The following TLE1 variants were observed in gnomAD, a reference collection of about 807,000 sequenced individuals.
TLE1 encodes transducin-like enhancer protein 1.
A neutral mutation model predicts 89.8 loss-of-function variants in TLE1; 21 were observed. The observed-to-expected ratio is 0.23, with a 90% CI of 0.17 to 0.34. The LOEUF is 0.34. Ranked by LOEUF, TLE1 falls within the 10% of genes least tolerant of loss-of-function variation. The pLI, the probability that TLE1 is intolerant of heterozygous loss-of-function variation, is 1.00. For missense variants in TLE1, 795 were observed against 1,031.2 expected (o/e 0.77, Z 3.14); for synonymous variants, 447 against 407.6 (o/e 1.10, Z -1.16).
intron 14 of TLE1, among the ~76,000 whole-genome samples, chr9:81,608,951 A>C (rs1823339549): frequency 6.6e-6 from 1 of 152,098 alleles, no homozygotes; most frequent in African/African-American, 2.4e-5. Flanking sequence ...TAATAAAAAA[A>C]AGAAAGAAAG....
At chr9:81,682,383 CA>C (rs1833743988) in intron 4 of TLE1, among the ~76,000 whole-genome samples, 1 of 152,244 alleles carries the variant, frequency 6.6e-6, no homozygotes, top group East Asian at 1.9e-4. Context: ...GTAGGCAGAG[CA>C]AAACACCTAC....
chr9:81,588,547 A>C (rs1039343313), intron 16 of TLE1, among the ~76,000 whole-genome samples: 1 of 152,198 alleles, frequency 6.6e-6, no homozygotes, highest in Non-Finnish European at 1.5e-5. Context: ...CAAGCGGAGC[A>C]CAAGGTTGTT....
chr9:81,624,381 G>A (rs925971155), intron 8 of TLE1, among the ~76,000 whole-genome samples: 1 of 152,074 alleles, frequency 6.6e-6, no homozygotes, highest in East Asian at 1.9e-4. Context: ...AGCAGCCCAG[G>A]TACACACAGG....
chr9:81,669,282 G>A (rs1482108781), intron 4 of TLE1, among the ~76,000 whole-genome samples: 1 of 152,304 alleles, frequency 6.6e-6, no homozygotes, highest in East Asian at 1.9e-4. Flanking sequence ...CTTGACCTCA[G>A]ACCAATTTTC....
At position 81,592,899 on chromosome 9, in the gene TLE1, C is replaced by A. The variant is rs1473457070; in HGVS notation, c.1581+126G>T. ...TGGGGAGCCGAGGGGGTTAAATAACCAACACAGGAAACAGAAGGGGCTTCT... is the reference window on the plus strand; with the variant it reads ...TGGGGAGCCGAGGGGGTTAAATAACAAACACAGGAAACAGAAGGGGCTTCT... On this transcript the variant is annotated intron_variant, in intron 15 of 19. Coordinates refer to ENST00000376499, the MANE Select transcript of TLE1 (RefSeq NM_005077.5). 2.9e-6 allele frequency: 4 copies of A among 1,356,284 alleles called. No individual in the cohort carries two copies. In the African/African-American group the frequency reaches 4.4e-5, roughly 15 times the overall value. The allele number at this position is 1,356,284 out of a possible 1,614,324, so 84.0% of individuals were successfully genotyped here.
intron 6 of TLE1, among the ~76,000 whole-genome samples, chr9:81,639,877 G>A (rs763410698): frequency 2.6e-5 from 4 of 151,962 alleles, no homozygotes; most frequent in African/African-American, 4.8e-5. Flanking sequence ...ATGAACCACC[G>A]CGCCCAGCTG....
At chr9:81,666,053 T>G in intron 4 of TLE1, among the ~76,000 whole-genome samples, 1 of 152,186 alleles carries the variant, frequency 6.6e-6, no homozygotes, top group East Asian at 1.9e-4. Context: ...GACAAAAGCA[T>G]CACAGCTGTT....
intron 4 of TLE1, among the ~76,000 whole-genome samples, chr9:81,655,041 C>G (rs1159689301): frequency 6.6e-6 from 1 of 152,018 alleles, no homozygotes; most frequent in Non-Finnish European, 1.5e-5. Flanking sequence ...TAAAAGGTGT[C>G]CTTAGTGTCT....
At chr9:81,640,693 T>C (rs925506052) in intron 6 of TLE1, among the ~76,000 whole-genome samples, 3 of 152,226 alleles carry the variant, frequency 2.0e-5, no homozygotes, top group African/African-American at 7.2e-5. Context: ...TTTTACTTAG[T>C]GCAGCTTGGG....
chr9:81,613,083 G>A (rs1823926525), intron 12 of TLE1, among the ~76,000 whole-genome samples: 1 of 152,198 alleles, frequency 6.6e-6, no homozygotes, highest in Admixed American at 6.5e-5. Flanking sequence ...GGCAGAGGTT[G>A]CAGTGAGCTG....
intron 4 of TLE1, among the ~76,000 whole-genome samples, chr9:81,675,295 G>C (rs936944762): frequency 4.5e-4 from 68 of 151,828 alleles, no homozygotes; most frequent in Non-Finnish European, 4.4e-5. Context: ...ATAATAAAAT[G>C]TTTGGGAGAA....
At chr9:81,649,805 G>A (rs1199079041) in intron 6 of TLE1, among the ~76,000 whole-genome samples, 1 of 152,116 alleles carries the variant, frequency 6.6e-6, no homozygotes, top group Non-Finnish European at 1.5e-5. Context: ...ATGAAGGGGT[G>A]CAAAGGTCCA....
intron 11 of TLE1, 51 bp from the exon 12 acceptor site, chr9:81,613,572 T>G: frequency 6.3e-7 from 1 of 1,595,904 alleles, no homozygotes. Flanking sequence ...CCAAGCCATA[T>G]TACACAATTT....
chr9:81,583,761 A>G lies in TLE1; in HGVS notation c.*437T>C, dbSNP rs1262910108. 2.5e-5 allele frequency: 4 copies of G among 161,062 alleles called. No homozygotes were observed. Among genetic ancestry groups the G allele is most frequent in the African/African-American group, 7.2e-5 (3 of 41,646 alleles). 10.0% of individuals were successfully genotyped at this position (161,062 alleles called of 1,614,324 possible). A position where few individuals can be genotyped will look rare whatever the true frequency, so the allele number is the denominator to read the frequency against. On this transcript the variant is annotated 3_prime_UTR_variant, in exon 20 of 20. Coordinates refer to ENST00000376499, the MANE Select transcript of TLE1 (RefSeq NM_005077.5). ...CAAATGTTTAACCTTCAACAAAAATACAAAAAAACATTTCACAAGATGCAA... is the reference window on the plus strand; with the variant it reads ...CAAATGTTTAACCTTCAACAAAAATGCAAAAAAACATTTCACAAGATGCAA...
chr9:81,634,487 C>T (rs1465740838), intron 6 of TLE1, among the ~76,000 whole-genome samples, 186 bp from the exon 7 acceptor site: 2 of 151,958 alleles, frequency 1.3e-5, no homozygotes, highest in Non-Finnish European at 2.9e-5. Context: ...GGAAAAAATG[C>T]GATTAGTGCT....
At position 81,587,907 on chromosome 9, in the gene TLE1, C is replaced by CGT. The variant is rs71496083; in HGVS notation, c.1830-81_1830-80dup. ...CACTGTTGTGTTGTTAGTTTTGGAC[C>CGT]GTGTGTGTGTGTGTGTGTGTGTGTG... is the stretch of plus-strand genomic sequence containing the variant. On this transcript the variant is annotated intron_variant, in intron 16 of 19. Coordinates refer to ENST00000376499, the MANE Select transcript of TLE1 (RefSeq NM_005077.5). 8.4e-3 allele frequency: 6,310 copies of CGT among 751,554 alleles called. 7 individuals are homozygous for CGT. The highest frequency in any genetic ancestry group is 0.057 in the East Asian group (1,762 of 30,998). The allele number at this position is 751,554 out of a possible 1,614,324, so 46.6% of individuals were successfully genotyped here.
chr9:81,593,220 G>C lies in TLE1; in HGVS notation c.1386C>G (p.Pro462=). 2.5e-6 allele frequency: 4 copies of C among 1,614,186 alleles called. No homozygotes were observed. Among genetic ancestry groups the C allele is most frequent in the Non-Finnish European group, 3.4e-6 (4 of 1,180,030 alleles). Residue 462 remains proline, a synonymous_variant, in exon 15 of 20, where the codon CCC becomes CCG. Coordinates refer to ENST00000376499, the MANE Select transcript of TLE1 (RefSeq NM_005077.5). ...TTCCGGGTCCGATGAGGGCGTCGGG[G>C]GGAAAAGGGACAGGCTGCATCTGAC... ...ADGQMQPVPF[P]PDALIGPGIP...
At chr9:81,674,059 A>T (rs1444213228) in intron 4 of TLE1, among the ~76,000 whole-genome samples, 1 of 152,108 alleles carries the variant, frequency 6.6e-6, no homozygotes, top group Non-Finnish European at 1.5e-5. Flanking sequence ...GGCACAAATA[A>T]CGGTGGCTGC....
intron 4 of TLE1, among the ~76,000 whole-genome samples, chr9:81,660,315 A>G (rs1369885332): frequency 4.0e-5 from 6 of 151,612 alleles, no homozygotes; most frequent in East Asian, 1.9e-4. Context: ...AACCATTACT[A>G]AACAGTGCTA....
Sources: gnomAD v4.1 joint callset for allele counts (sites outside exome capture counted in the v4.1 genomes callset) on GRCh38, gnomAD v4.1.1 for gene constraint, MANE v1.5 for transcripts, NCBI Gene and HGNC (gene_info 2026-07-23, HGNC 2026-07-21) for gene names.